CLYBL: variants seen among roughly 807,000 people sequenced by gnomAD.
The protein encoded by CLYBL is citramalyl-CoA lyase, mitochondrial.
In CLYBL, 31 loss-of-function variants were observed where a neutral mutation model predicts 38.9. That is an observed-to-expected ratio of 0.80 (90% CI 0.60 to 1.08). The LOEUF is 1.08. CLYBL is among the 50% of genes least tolerant of loss of function. CLYBL has a pLI of 0.00. For synonymous variants in CLYBL, 171 were observed against 158.6 expected, an observed-to-expected ratio of 1.08 and a Z score of -0.59; for missense variants, 434 against 411.6, an observed-to-expected ratio of 1.05 and a Z score of -0.47.
chr13:99,670,233 T>C (rs1008740337), intron 1 of CLYBL, among the ~76,000 whole-genome samples: 1 of 152,034 alleles, frequency 6.6e-6, no homozygotes, highest in African/African-American at 2.4e-5. Flanking sequence ...GGTGCATGCC[T>C]ATAGTCCCAG....
intron 2 of CLYBL, among the ~76,000 whole-genome samples, chr13:99,830,284 G>T (rs908023220): frequency 6.6e-6 from 1 of 152,226 alleles, no homozygotes; most frequent in Non-Finnish European, 1.5e-5. Flanking sequence ...TTGATGAAAA[G>T]AATTACTCTA....
chr13:99,792,585 T>G (rs1594186167), intron 2 of CLYBL, among the ~76,000 whole-genome samples: 1 of 141,006 alleles, frequency 7.1e-6, no homozygotes, highest in Admixed American at 7.0e-5. Flanking sequence ...CACCCCACCC[T>G]ACGCCCCACC....
intron 1 of CLYBL, among the ~76,000 whole-genome samples, chr13:99,610,299 C>T (rs1215289604): frequency 6.6e-6 from 1 of 152,184 alleles, no homozygotes. Context: ...TCCTCAGGGA[C>T]AGTTTGTACT....
rs890724967 is a variant in CLYBL, at chr13:99,607,036, C to G, written c.62+279C>G. Among the ~76,000 whole-genome samples, 4 of 152,206 alleles carry G rather than the reference C, an allele frequency of 2.6e-5. No individual in the cohort carries two copies. In the South Asian group the frequency reaches 8.3e-4, roughly 31 times the overall value. On this transcript the variant is annotated intron_variant, in intron 1 of 8. Coordinates refer to ENST00000339105, the MANE Select transcript of CLYBL (RefSeq NM_206808.5). ...CAGGAAACAAAACTGCCTGCCTCCC[C>G]CAAATGGCAAACGTGAACGCGCCAG...
At chr13:99,611,987 T>G (rs2046633234) in intron 1 of CLYBL, among the ~76,000 whole-genome samples, 1 of 152,214 alleles carries the variant, frequency 6.6e-6, no homozygotes, top group South Asian at 2.1e-4. Context: ...TAATTTCTAG[T>G]AAGTTTATAG....
At chr13:99,670,089 C>T (rs189973069) in intron 1 of CLYBL, among the ~76,000 whole-genome samples, 2 of 152,098 alleles carry the variant, frequency 1.3e-5, no homozygotes, top group East Asian at 3.9e-4. Context: ...GTCCCAGCTA[C>T]TCAAGAGGCT....
chr13:99,716,446 C>CA (rs2048316798), intron 1 of CLYBL, among the ~76,000 whole-genome samples: 1 of 147,604 alleles, frequency 6.8e-6, no homozygotes, highest in Non-Finnish European at 1.5e-5. Context: ...TGCAATGGCG[C>CA]AATCTCGGCT....
chr13:99,831,981 G>T (rs1249094767), intron 2 of CLYBL, among the ~76,000 whole-genome samples: 1 of 152,152 alleles, frequency 6.6e-6, no homozygotes, highest in East Asian at 1.9e-4. Flanking sequence ...TCAGAGCTCT[G>T]TCTCAATAGA....
chr13:99,860,362 A>G (rs1037003711), intron 3 of CLYBL, among the ~76,000 whole-genome samples: 3 of 152,084 alleles, frequency 2.0e-5, no homozygotes, highest in Non-Finnish European at 2.9e-5. Context: ...GCTGCTATAC[A>G]GTTTCTTTTG....
chr13:99,788,957 C>T (rs940314456), intron 2 of CLYBL, among the ~76,000 whole-genome samples: 2 of 152,080 alleles, frequency 1.3e-5, no homozygotes, highest in African/African-American at 4.8e-5. Flanking sequence ...GGAATTTATC[C>T]GTTTCTTCTA....
intron 2 of CLYBL, among the ~76,000 whole-genome samples, chr13:99,819,071 C>A (rs145305978): frequency 6.6e-6 from 1 of 152,038 alleles, no homozygotes; most frequent in Non-Finnish European, 1.5e-5. Context: ...ATAGGCCAGG[C>A]GTGGTGGCTC....
At chr13:99,850,123 TCAA>T (rs2051297951) in intron 2 of CLYBL, among the ~76,000 whole-genome samples, 1 of 152,100 alleles carries the variant, frequency 6.6e-6, no homozygotes. Flanking sequence ...AAAAGTGCAA[TCAA>T]CAGAAGAAAA....
rs1325233929 is a variant in CLYBL at position 99,754,730 on chromosome 13, G to A, written c.63-18094G>A. Among the ~76,000 whole-genome samples the A allele has an allele frequency of 7.4e-5, 11 of 148,380 alleles. No individual in the cohort carries two copies. The South Asian group carries it at 1.1e-3, about 14-fold the overall frequency. On this transcript the variant is annotated intron_variant, in intron 1 of 8. Coordinates refer to ENST00000339105, the MANE Select transcript of CLYBL (RefSeq NM_206808.5). ...CTCCCAAGTAGCTGGGACTACAGGCGTGTGCCACCATGCCCAGCTTTTTTT... is the reference window on the plus strand; with the variant it reads ...CTCCCAAGTAGCTGGGACTACAGGCATGTGCCACCATGCCCAGCTTTTTTT...
intron 7 of CLYBL, among the ~76,000 whole-genome samples, chr13:99,880,010 A>G (rs1027538421): frequency 1.3e-5 from 2 of 149,308 alleles, no homozygotes; most frequent in South Asian, 4.2e-4. Context: ...AACTGCTTCC[A>G]TTTATATATA....
chr13:99,774,874 C>T lies in CLYBL; in HGVS notation c.249+1864C>T, dbSNP rs78307977. Among the ~76,000 whole-genome samples, 427 of 152,268 alleles carry T rather than the reference C, an allele frequency of 2.8e-3. 4 individuals carry two copies. The East Asian group carries it at 0.031, about 11-fold the overall frequency. ...TAATATGATTTCAGTATGCTCCTTCCCATAACTCATGTAGTGCACTCCAAG... is the reference window on the plus strand; with the variant it reads ...TAATATGATTTCAGTATGCTCCTTCTCATAACTCATGTAGTGCACTCCAAG... On this transcript the variant is annotated intron_variant, in intron 2 of 8. Transcript: ENST00000339105.
chr13:99,609,203 A>T (rs1424735952), intron 1 of CLYBL, among the ~76,000 whole-genome samples: 1 of 103,022 alleles, frequency 9.7e-6, no homozygotes, highest in Non-Finnish European at 1.8e-5. Context: ...TTTGAGACAG[A>T]GTCTTGCTCT....
intron 1 of CLYBL, among the ~76,000 whole-genome samples, chr13:99,666,784 A>G (rs1410750194): frequency 6.6e-6 from 1 of 152,324 alleles, no homozygotes; most frequent in South Asian, 2.1e-4. Context: ...GAAAATTTCT[A>G]CTGTCCCAAA....
intron 1 of CLYBL, among the ~76,000 whole-genome samples, chr13:99,638,976 GC>G (rs1306890364): frequency 1.3e-5 from 2 of 152,162 alleles, no homozygotes; most frequent in African/African-American, 2.4e-5. Flanking sequence ...CAAAGCTGGG[GC>G]TCTTTCGACA....
intron 1 of CLYBL, among the ~76,000 whole-genome samples, chr13:99,621,521 C>T (rs945058906): frequency 6.6e-6 from 1 of 152,210 alleles, no homozygotes; most frequent in Non-Finnish European, 1.5e-5. Flanking sequence ...GATGCCTCCT[C>T]TCCTCTCCCA....
Sources: gnomAD v4.1 joint callset for allele counts (sites outside exome capture counted in the v4.1 genomes callset) on GRCh38, gnomAD v4.1.1 for gene constraint, MANE v1.5 for transcripts, NCBI Gene and HGNC (gene_info 2026-07-23, HGNC 2026-07-21) for gene names.